RIN2: variants seen among roughly 807,000 people sequenced by gnomAD.
The protein encoded by RIN2 is RAB5 interacting protein 2.
RIN2 carries 36 observed loss-of-function variants against 78.0 expected under a neutral mutation model. The ratio of observed to expected loss-of-function variants is 0.46; its 90% CI spans 0.35 to 0.61. The LOEUF (loss-of-function observed/expected upper bound fraction) is 0.61, where lower values mean the gene tolerates loss of function less well. Ranked by LOEUF, RIN2 falls within the 20% of genes least tolerant of loss-of-function variation. The probability of loss-of-function intolerance (pLI) is 0.00; values close to 1 mark genes in which losing one functional copy is unlikely to be tolerated. For missense variants in RIN2, 1,087 were observed against 1,159.7 expected, an observed-to-expected ratio of 0.94 and a Z score of 0.91; for synonymous variants, 466 against 466.8, an observed-to-expected ratio of 1.00 and a Z score of 0.02.
At position 19,932,743 on chromosome 20, in the gene RIN2, A is replaced by G. The variant is rs1039741837; in HGVS notation, c.58-2356A>G. On this transcript the variant is annotated intron_variant, in intron 3 of 12. Coordinates refer to ENST00000255006, the MANE Select transcript of RIN2 (RefSeq NM_018993.4). Reference sequence around the variant, plus strand: ...CAGTGCTTTAGAATGCCAGCCACACATGCCAGTGACTTCCAAACAGAAAAA... The same window carrying G: ...CAGTGCTTTAGAATGCCAGCCACACGTGCCAGTGACTTCCAAACAGAAAAA... 6.6e-5 allele frequency among the ~76,000 whole-genome samples: 10 copies of G among 152,164 alleles called. No individual in the cohort carries two copies. In the East Asian group the frequency reaches 9.6e-4, roughly 15 times the overall value.
At chr20:19,797,374 A>G (rs2035090181) in intron 1 of RIN2, among the ~76,000 whole-genome samples, 1 of 152,228 alleles carries the variant, frequency 6.6e-6, no homozygotes, top group Non-Finnish European at 1.5e-5. Flanking sequence ...ATTCATTTAC[A>G]TTCTTGTTCT....
chr20:19,925,032 C>T (rs1227086548), intron 3 of RIN2, among the ~76,000 whole-genome samples: 1 of 151,518 alleles, frequency 6.6e-6, no homozygotes, highest in Non-Finnish European at 1.5e-5. Context: ...AGCCACTGCG[C>T]CCGGCCTCCC....
Position 19,970,849 on chromosome 20 carries a change from C to T in RIN2, c.548C>T (p.Pro183Leu), listed in dbSNP as rs201491053. ...AFYCISRDVLPFTLKLPYAIS... is the reference protein window; with the variant it reads ...AFYCISRDVLLFTLKLPYAIS... Reference sequence around the variant, plus strand: ...TTCTGAACAATCAGGGATGTTCTACCATTTACCTTGAAGTTGCCTTATGCC... The same window carrying T: ...TTCTGAACAATCAGGGATGTTCTACTATTTACCTTGAAGTTGCCTTATGCC... Residue 183 changes from proline (P) to leucine (L), a missense_variant, in exon 8 of 13, where the codon CCA becomes CTA. Transcript: ENST00000255006. 1.0e-4 allele frequency: 164 copies of T among 1,612,530 alleles called. No homozygotes were observed. The highest frequency in any genetic ancestry group is 1.3e-4 in the Non-Finnish European group (158 of 1,179,010).
At chr20:19,973,267 TGCTCAATAGCCACCTGTG>T (rs1174272796) in intron 8 of RIN2, among the ~76,000 whole-genome samples, 1 of 152,240 alleles carries the variant, frequency 6.6e-6, no homozygotes, top group Non-Finnish European at 1.5e-5. Context: ...CAACTTCAAG[TGCTCAATAGCCACCTGTG>T]GCTGTTGGCT....
At chr20:19,864,270 C>G (rs778670219) in intron 2 of RIN2, among the ~76,000 whole-genome samples, 3 of 152,130 alleles carry the variant, frequency 2.0e-5, no homozygotes, top group African/African-American at 7.2e-5. Flanking sequence ...GAGGAGTTAA[C>G]AGCTGAACTT....
Position 19,805,663 on chromosome 20 carries a change from A to G in RIN2, c.-37+5916A>G, listed in dbSNP as rs1200074154. 6.6e-5 allele frequency among the ~76,000 whole-genome samples: 10 copies of G among 151,962 alleles called. No individual in the cohort carries two copies. In the East Asian group the frequency reaches 7.7e-4, roughly 12 times the overall value. The stretch of plus-strand genomic sequence containing the variant: ...ATGATCTGCCCGCCTTAGCCTCCCA[A>G]AGTGCTGGGATTACAGGCATGAGCC... On this transcript the variant is annotated intron_variant, in intron 2 of 12. Coordinates refer to ENST00000255006, the MANE Select transcript of RIN2 (RefSeq NM_018993.4).
rs192735372 is a variant in RIN2 at position 19,993,305 on chromosome 20, G to C, written c.2200+1006G>C. 1.7e-3 allele frequency among the ~76,000 whole-genome samples: 252 copies of C among 152,026 alleles called. 2 individuals carry two copies. Among genetic ancestry groups the C allele is most frequent in the Admixed American group, 2.3e-3 (35 of 15,274 alleles). On this transcript the variant is annotated intron_variant, in intron 11 of 12. Transcript: ENST00000255006. Reference sequence around the variant, plus strand: ...TTTTTTCCCGTGAGTTTCAGTCTGGGCTTGAGTAGAAAGGTCCATCTCTGA... The same window carrying C: ...TTTTTTCCCGTGAGTTTCAGTCTGGCCTTGAGTAGAAAGGTCCATCTCTGA...
intron 2 of RIN2, among the ~76,000 whole-genome samples, chr20:19,879,727 G>C (rs764952078): frequency 2.6e-5 from 4 of 152,276 alleles, no homozygotes; most frequent in Middle Eastern, 3.4e-3. Flanking sequence ...TGTTGACTTG[G>C]ACAAACACCC....
At chr20:19,978,807 C>G (rs1381677527) in intron 9 of RIN2, among the ~76,000 whole-genome samples, 1 of 152,200 alleles carries the variant, frequency 6.6e-6, no homozygotes, top group Non-Finnish European at 1.5e-5. Flanking sequence ...CCTACTCTCA[C>G]CCTTCCAGAG....
At chr20:19,759,302 G>A (rs1398029130) in intron 1 of RIN2, among the ~76,000 whole-genome samples, 1 of 152,116 alleles carries the variant, frequency 6.6e-6, no homozygotes, top group African/African-American at 2.4e-5. Context: ...GCGGTTTTGG[G>A]CACATTGGGG....
chr20:19,773,739 T>C (rs1045924925), intron 1 of RIN2, among the ~76,000 whole-genome samples: 4 of 152,082 alleles, frequency 2.6e-5, no homozygotes, highest in Non-Finnish European at 4.4e-5. Context: ...TTCTCCTTCC[T>C]GCTGGCTGAG....
chr20:19,829,382 A>G (rs1369515276), intron 2 of RIN2, among the ~76,000 whole-genome samples: 2 of 152,196 alleles, frequency 1.3e-5, no homozygotes, highest in Non-Finnish European at 2.9e-5. Context: ...TGAATCCAGT[A>G]TATGAAGGAC....
At position 19,996,662 on chromosome 20, in the gene RIN2, C is replaced by G. The variant is rs1568726246; in HGVS notation, c.2201-17C>G. On this transcript the variant is annotated splice_polypyrimidine_tract_variant and intron_variant, in intron 11 of 12. Transcript: ENST00000255006. ...GAGGTTGGCACTGGGAGGACCCACT[C>G]TTTCTGCTCTTTTCAGGAGGCTATT... The G allele has an allele frequency of 1.2e-6, 2 of 1,613,880 alleles. No homozygotes were observed. Among genetic ancestry groups the G allele is most frequent in the African/African-American group, 1.3e-5 (1 of 74,958 alleles).
chr20:19,889,405 A>G, intron 2 of RIN2, 161 bp from the exon 3 acceptor site: 2 of 1,171,158 alleles, frequency 1.7e-6, no homozygotes, highest in Non-Finnish European at 2.2e-6. Flanking sequence ...TGGGGACAGG[A>G]AATTGGGCTG....
At chr20:19,820,509 T>C (rs2035895515) in intron 2 of RIN2, among the ~76,000 whole-genome samples, 1 of 152,236 alleles carries the variant, frequency 6.6e-6, no homozygotes, top group Non-Finnish European at 1.5e-5. Context: ...GGCATGTTAC[T>C]TCTATCACAG....
At chr20:19,890,656 T>C (rs2038405790) in intron 3 of RIN2, among the ~76,000 whole-genome samples, 1 of 130,666 alleles carries the variant, frequency 7.7e-6, no homozygotes, top group Non-Finnish European at 1.5e-5. Flanking sequence ...AAAACTGATA[T>C]ATTGTGTCAA....
At chr20:19,977,136 C>T (rs573106384) in intron 9 of RIN2, among the ~76,000 whole-genome samples, 20 of 152,150 alleles carry the variant, frequency 1.3e-4, no homozygotes, top group Non-Finnish European at 2.5e-4. Flanking sequence ...ATATCTGACT[C>T]AGTATTAACA....
chr20:19,768,829 A>C (rs1387098032), intron 1 of RIN2, among the ~76,000 whole-genome samples: 1 of 151,706 alleles, frequency 6.6e-6, no homozygotes, highest in Non-Finnish European at 1.5e-5. Flanking sequence ...GCTGATTTTT[A>C]TGCCTTTAGA....
intron 3 of RIN2, among the ~76,000 whole-genome samples, chr20:19,923,487 ATAAAT>A (rs2040017899): frequency 7.0e-6 from 1 of 142,184 alleles, no homozygotes; most frequent in Admixed American, 7.0e-5. Flanking sequence ...ATAAAATAAA[ATAAAT>A]ATTGGCTGAG....
Sources: allele counts gnomAD v4.1 joint callset (sites outside exome capture counted in the v4.1 genomes callset), GRCh38; gene constraint gnomAD v4.1.1; transcripts MANE v1.5; gene names NCBI Gene and HGNC (gene_info 2026-07-23, HGNC 2026-07-21).